The following KCNQ5 variants were observed in gnomAD, a reference collection of about 807,000 sequenced individuals.
KCNQ5 encodes the protein potassium voltage-gated channel subfamily Q member 5, also known as potassium voltage-gated channel subfamily KQT member 5.
In KCNQ5, 30 loss-of-function variants were observed where a neutral mutation model predicts 98.2. The observed-to-expected ratio is 0.31, with a 90% CI of 0.23 to 0.41. The LOEUF (loss-of-function observed/expected upper bound fraction) is 0.41. KCNQ5 is among the 10% of genes least tolerant of loss of function. The probability of loss-of-function intolerance (pLI) is 1.00; values close to 1 mark genes in which losing one functional copy is unlikely to be tolerated. For missense variants in KCNQ5, 835 were observed against 1,182.5 expected, an observed-to-expected ratio of 0.71 and a Z score of 4.31; for synonymous variants, 458 against 449.4, an observed-to-expected ratio of 1.02 and a Z score of -0.24.
In KCNQ5 at chr6:73,095,397, A is replaced by G. The variant is rs1299915928; in HGVS notation, c.919-9860A>G. 2.6e-5 allele frequency among the ~76,000 whole-genome samples: 4 copies of G among 152,180 alleles called. No homozygotes were observed. The East Asian group carries it at 7.7e-4, about 29-fold the overall frequency. ...CTGGTGCTCCCTGATTAGCTTAATA[A>G]TTAACCTCCTCAATTCTTTTTCAGG... On this transcript the variant is annotated intron_variant, in intron 5 of 13. Transcript: ENST00000370398.
chr6:72,759,896 A>G (rs1427378143), intron 1 of KCNQ5, among the ~76,000 whole-genome samples: 2 of 152,082 alleles, frequency 1.3e-5, no homozygotes, highest in African/African-American at 4.8e-5. Context: ...GCTCTGGCCT[A>G]TTTTTCAAAT....
chr6:72,667,353 T>C (rs909255853), intron 1 of KCNQ5, among the ~76,000 whole-genome samples: 1 of 152,198 alleles, frequency 6.6e-6, no homozygotes, highest in African/African-American at 2.4e-5. Context: ...CAGATTCGTA[T>C]CCCGACTTCA....
At chr6:73,066,958 G>T (rs1773083213) in intron 3 of KCNQ5, among the ~76,000 whole-genome samples, 1 of 152,134 alleles carries the variant, frequency 6.6e-6, no homozygotes, top group South Asian at 2.1e-4. Flanking sequence ...GCAGAAAAGG[G>T]CTCACATTGA....
At chr6:72,907,022 T>C (rs572374131) in intron 1 of KCNQ5, among the ~76,000 whole-genome samples, 11 of 152,366 alleles carry the variant, frequency 7.2e-5, no homozygotes, top group Admixed American at 7.2e-4. Context: ...TTGTAGTCAA[T>C]GACTGTCACA....
At chr6:72,799,351 A>G (rs1403981114) in intron 1 of KCNQ5, among the ~76,000 whole-genome samples, 1 of 152,138 alleles carries the variant, frequency 6.6e-6, no homozygotes, top group African/African-American at 2.4e-5. Flanking sequence ...GTAGATGTTA[A>G]CCACATCTAC....
chr6:73,029,184 G>A (rs1771024524), intron 2 of KCNQ5, among the ~76,000 whole-genome samples: 1 of 152,154 alleles, frequency 6.6e-6, no homozygotes, highest in South Asian at 2.1e-4. Flanking sequence ...ATGTACAGTA[G>A]GAGTCATCTC....
chr6:72,983,287 C>T (rs1459123518), intron 1 of KCNQ5, among the ~76,000 whole-genome samples: 2 of 152,170 alleles, frequency 1.3e-5, no homozygotes, highest in Admixed American at 6.5e-5. Context: ...GTTCCATTCG[C>T]CCTGTCACTT....
chr6:72,850,320 T>C (rs1247064497), intron 1 of KCNQ5, among the ~76,000 whole-genome samples: 1 of 152,214 alleles, frequency 6.6e-6, no homozygotes, highest in Non-Finnish European at 1.5e-5. Flanking sequence ...GCTTGCACAG[T>C]TGGCACGATC....
At chr6:73,027,250 A>C (rs1298443877) in intron 2 of KCNQ5, among the ~76,000 whole-genome samples, 3 of 152,182 alleles carry the variant, frequency 2.0e-5, no homozygotes, top group Non-Finnish European at 4.4e-5. Context: ...AATGAATCTC[A>C]AGCCCCTTGG....
intron 1 of KCNQ5, among the ~76,000 whole-genome samples, chr6:72,851,813 A>G (rs929129498): frequency 8.5e-5 from 13 of 152,138 alleles, no homozygotes; most frequent in African/African-American, 3.1e-4. Context: ...ATTTTATTTT[A>G]CAGAGTTGTT....
At chr6:73,043,777 C>G (rs1771828892) in intron 3 of KCNQ5, among the ~76,000 whole-genome samples, 1 of 152,176 alleles carries the variant, frequency 6.6e-6, no homozygotes, top group Non-Finnish European at 1.5e-5. Context: ...CAATGTATCT[C>G]TGGCCTCCAT....
intron 10 of KCNQ5, chr6:73,157,723 T>C: frequency 1.3e-6 from 1 of 777,170 alleles, no homozygotes; most frequent in Non-Finnish European, 2.4e-6. Context: ...CCCCATCAGG[T>C]CATAGGGGTC....
At chr6:72,689,486 C>T (rs932382866) in intron 1 of KCNQ5, among the ~76,000 whole-genome samples, 3 of 152,332 alleles carry the variant, frequency 2.0e-5, no homozygotes, top group African/African-American at 7.2e-5. Context: ...GAATCCCAAA[C>T]GGCAGCCTCG....
intron 3 of KCNQ5, among the ~76,000 whole-genome samples, chr6:73,043,461 T>C (rs1279143090): frequency 6.6e-6 from 1 of 152,174 alleles, no homozygotes; most frequent in African/African-American, 2.4e-5. Flanking sequence ...GCCTTGCAGG[T>C]TCATAAAGCC....
chr6:72,829,852 T>C (rs1776164022), intron 1 of KCNQ5, among the ~76,000 whole-genome samples: 1 of 152,144 alleles, frequency 6.6e-6, no homozygotes, highest in South Asian at 2.1e-4. Flanking sequence ...ACTAAAGACT[T>C]GTAGCAAACA....
intron 2 of KCNQ5, among the ~76,000 whole-genome samples, chr6:73,041,689 C>T (rs1187638933): frequency 6.6e-6 from 1 of 152,064 alleles, no homozygotes. Context: ...GAAACTGACT[C>T]CCAAATTTAC....
chr6:73,051,705 CAAAAA>C (rs201199934), intron 3 of KCNQ5, among the ~76,000 whole-genome samples: 1 of 97,180 alleles, frequency 1.0e-5, no homozygotes, highest in Admixed American at 1.1e-4. Context: ...AAGATAGAGG[CAAAAA>C]AAAAAAAAAA....
intron 1 of KCNQ5, among the ~76,000 whole-genome samples, chr6:72,690,957 GT>G (rs1253978668): frequency 6.6e-6 from 1 of 151,956 alleles, no homozygotes; most frequent in Non-Finnish European, 1.5e-5. Flanking sequence ...CTAAAGAATT[GT>G]TATATATCAG....
In KCNQ5 at chr6:73,077,884, C is replaced by T; in HGVS notation, c.915C>T (p.Gly305=). Residue 305 remains glycine, a synonymous_variant, in exon 5 of 14, where the codon GGC becomes GGT. Transcript: ENST00000370398. Reference sequence around the variant, plus strand: ...CATATGCAGATGCTCTCTGGTGGGGCACAGTAAGTATAAAAATACATTTTT... The same window carrying T: ...CATATGCAGATGCTCTCTGGTGGGGTACAGTAAGTATAAAAATACATTTTT... The part of the protein sequence containing the change: ...FSTYADALWW[G]TITLTTIGYG... The T allele has an allele frequency of 6.3e-7, 1 of 1,590,028 alleles. No homozygotes were observed.
Sources: allele counts gnomAD v4.1 joint callset (sites outside exome capture counted in the v4.1 genomes callset), GRCh38; gene constraint gnomAD v4.1.1; transcripts MANE v1.5; gene names NCBI Gene and HGNC (gene_info 2026-07-23, HGNC 2026-07-21).